Variants in TSHZ2 observed in about 807,000 individuals in gnomAD.
TSHZ2 encodes the protein teashirt homolog 2.
In TSHZ2, 21 loss-of-function variants were observed where a neutral mutation model predicts 74.4. That is an observed-to-expected ratio of 0.28 (90% CI 0.20 to 0.41). TSHZ2 has a LOEUF of 0.41. TSHZ2 is among the 10% of genes least tolerant of loss of function. The probability of loss-of-function intolerance (pLI) is 1.00; values close to 1 mark genes in which losing one functional copy is unlikely to be tolerated. For missense variants in TSHZ2, 1,244 were observed against 1,293.5 expected (o/e 0.96, Z 0.59); for synonymous variants, 540 against 515.3 (o/e 1.05, Z -0.65).
At chr20:53,059,135 C>T (rs1377917305) in intron 1 of TSHZ2, among the ~76,000 whole-genome samples, 1 of 90,752 alleles carries the variant, frequency 1.1e-5, no homozygotes, top group Non-Finnish European at 2.2e-5. Context: ...ATGGATAACT[C>T]TTAAATGTAT....
intron 1 of TSHZ2, among the ~76,000 whole-genome samples, chr20:53,132,677 C>T (rs1188883880): frequency 1.3e-5 from 2 of 152,144 alleles, no homozygotes; most frequent in African/African-American, 4.8e-5. Flanking sequence ...TAGTATTATA[C>T]CACCTCTTCA....
chr20:53,424,796 A>G (rs573892728), intron 2 of TSHZ2, among the ~76,000 whole-genome samples: 2 of 152,232 alleles, frequency 1.3e-5, no homozygotes, highest in African/African-American at 4.8e-5. Flanking sequence ...TTCCACTGCC[A>G]CTTACAAGTG....
chr20:52,994,352 A>T (rs934930942), intron 1 of TSHZ2, among the ~76,000 whole-genome samples: 8 of 151,854 alleles, frequency 5.3e-5, no homozygotes, highest in East Asian at 1.9e-4. Context: ...ATGAATGGAT[A>T]GATGGATTGA....
chr20:53,308,661 T>A (rs1978648903), intron 2 of TSHZ2, among the ~76,000 whole-genome samples: 1 of 152,242 alleles, frequency 6.6e-6, no homozygotes, highest in South Asian at 2.1e-4. Flanking sequence ...AAGACTTTAT[T>A]GTGTCAGCAT....
chr20:53,264,474 A>G (rs938674794), intron 2 of TSHZ2, among the ~76,000 whole-genome samples: 3 of 152,218 alleles, frequency 2.0e-5, no homozygotes, highest in African/African-American at 7.2e-5. Context: ...CATAGTCTTA[A>G]TGAGCTGATT....
chr20:53,045,509 G>C (rs533716723), intron 1 of TSHZ2, among the ~76,000 whole-genome samples: 1 of 152,336 alleles, frequency 6.6e-6, no homozygotes, highest in East Asian at 1.9e-4. Flanking sequence ...CTCACGAATA[G>C]TGACTCCGTT....
intron 1 of TSHZ2, among the ~76,000 whole-genome samples, chr20:53,226,831 T>C (rs1989697370): frequency 6.6e-6 from 1 of 152,114 alleles, no homozygotes; most frequent in African/African-American, 2.4e-5. Flanking sequence ...ACTCCAGATA[T>C]TGTGCCCTGG....
At chr20:53,111,080 G>C (rs1032866806) in intron 1 of TSHZ2, among the ~76,000 whole-genome samples, 2 of 152,148 alleles carry the variant, frequency 1.3e-5, no homozygotes, top group African/African-American at 4.8e-5. Context: ...AGGAGCCCAG[G>C]CAGGAGATAA....
intron 2 of TSHZ2, among the ~76,000 whole-genome samples, chr20:53,469,867 CCCAAGAAAGAAAAAAAAG>C (rs1182815754): frequency 0.029 from 3,694 of 126,834 alleles, 374 homozygotes; most frequent in Middle Eastern, 0.069. Flanking sequence ...GAAGGAAGGA[CCCAAGAAAGAAAAAAAAG>C]AGAGAGAGGA....
chr20:53,094,812 T>C (rs1023423668), intron 1 of TSHZ2, among the ~76,000 whole-genome samples: 1 of 152,194 alleles, frequency 6.6e-6, no homozygotes, highest in Non-Finnish European at 1.5e-5. Flanking sequence ...TTTTCTCATA[T>C]TATGAATAGC....
At chr20:53,479,586 G>A (rs1986090442) in intron 2 of TSHZ2, among the ~76,000 whole-genome samples, 1 of 152,216 alleles carries the variant, frequency 6.6e-6, no homozygotes. Flanking sequence ...GGTTCTCTTT[G>A]TCAGATAAGC....
At chr20:53,194,289 G>A (rs1988807046) in intron 1 of TSHZ2, among the ~76,000 whole-genome samples, 1 of 152,212 alleles carries the variant, frequency 6.6e-6, no homozygotes, top group Non-Finnish European at 1.5e-5. Flanking sequence ...ACCCTGATTT[G>A]TAATCTCTAA....
At chr20:53,481,276 A>T (rs1032830772) in intron 2 of TSHZ2, among the ~76,000 whole-genome samples, 2 of 152,154 alleles carry the variant, frequency 1.3e-5, no homozygotes, top group Non-Finnish European at 2.9e-5. Flanking sequence ...TTCTTTTAAT[A>T]TAAGAAATAA....
At chr20:53,033,104 G>T (rs1983695571) in intron 1 of TSHZ2, among the ~76,000 whole-genome samples, 1 of 152,214 alleles carries the variant, frequency 6.6e-6, no homozygotes, top group African/African-American at 2.4e-5. Context: ...AATCCAAACA[G>T]ATTAAGTAAG....
chr20:53,308,088 A>G (rs1206937912), intron 2 of TSHZ2, among the ~76,000 whole-genome samples: 2 of 152,246 alleles, frequency 1.3e-5, no homozygotes. Flanking sequence ...CAGAAACTGC[A>G]TCTTTCCGAG....
At chr20:53,094,942 C>T (rs769037127) in intron 1 of TSHZ2, among the ~76,000 whole-genome samples, 1 of 152,114 alleles carries the variant, frequency 6.6e-6, no homozygotes, top group Non-Finnish European at 1.5e-5. Flanking sequence ...TTTGCAGATG[C>T]CTTCTTATTT....
At chr20:53,309,453 G>A (rs1197221511) in intron 2 of TSHZ2, among the ~76,000 whole-genome samples, 1 of 151,858 alleles carries the variant, frequency 6.6e-6, no homozygotes, top group Non-Finnish European at 1.5e-5. Flanking sequence ...AAAGAGAAGA[G>A]GAAAAGAAAG....
chr20:53,124,272 C>T (rs974337627), intron 1 of TSHZ2, among the ~76,000 whole-genome samples: 1 of 152,220 alleles, frequency 6.6e-6, no homozygotes, highest in South Asian at 2.1e-4. Flanking sequence ...TTTGAACCCC[C>T]CTGCATGTCT....
chr20:53,129,603 A>G (rs1380457622), intron 1 of TSHZ2, among the ~76,000 whole-genome samples: 1 of 152,214 alleles, frequency 6.6e-6, no homozygotes, highest in African/African-American at 2.4e-5. Flanking sequence ...TTTATCATAG[A>G]CAGTGCTCTT....
Sources: gnomAD v4.1 joint callset for allele counts (sites outside exome capture counted in the v4.1 genomes callset) on GRCh38, gnomAD v4.1.1 for gene constraint, MANE v1.5 for transcripts, NCBI Gene and HGNC (gene_info 2026-07-23, HGNC 2026-07-21) for gene names.